The following ZFHX4 variants were observed in gnomAD, a reference collection of about 807,000 sequenced individuals.
The protein encoded by ZFHX4 is zinc finger homeobox 4, also known as zinc finger homeobox protein 4.
ZFHX4 carries 56 observed loss-of-function variants against 267.6 expected under a neutral mutation model. That is an observed-to-expected ratio of 0.21 (90% CI 0.17 to 0.26). ZFHX4 has a LOEUF of 0.26. Among genes scored for constraint, ZFHX4 ranks in the 10% least tolerant of loss-of-function variants. The pLI, the probability that ZFHX4 is intolerant of heterozygous loss-of-function variation, is 1.00. For synonymous variants in ZFHX4, 1,778 were observed against 1,665.6 expected (o/e 1.07, Z -1.64); for missense variants, 4,332 against 4,420.0 (o/e 0.98, Z 0.56).
In ZFHX4 at chr8:76,849,017, A is replaced by G; in HGVS notation, c.3534A>G (p.Glu1178=). 1.3e-6 allele frequency: 2 copies of G among 1,551,896 alleles called. No homozygotes were observed. Among genetic ancestry groups the G allele is most frequent in the South Asian group, 2.4e-5 (2 of 83,112 alleles). Residue 1178 remains glutamate, a synonymous_variant, in exon 7 of 11, where the codon GAA becomes GAG. Transcript: ENST00000651372. Reference sequence around the variant, plus strand: ...CAGGGATAATCACACCAGAGAAGGAACTAAAAGTTAGTGTGGCAGGGGGTA... The same window carrying G: ...CAGGGATAATCACACCAGAGAAGGAGCTAAAAGTTAGTGTGGCAGGGGGTA... ...KDSGIITPEK[E]LKVSVAGGTQ... is the part of the protein sequence containing the mutation.
chr8:76,690,756 C>G (rs1563461474), intron 1 of ZFHX4, among the ~76,000 whole-genome samples: 1 of 151,828 alleles, frequency 6.6e-6, no homozygotes. Flanking sequence ...CACACGTCTA[C>G]CCTCTTTCCA....
At chr8:76,813,428 G>A (rs1811427981) in intron 4 of ZFHX4, among the ~76,000 whole-genome samples, 1 of 152,062 alleles carries the variant, frequency 6.6e-6, no homozygotes, top group Admixed American at 6.6e-5. Context: ...GTATTTAGGT[G>A]ATAAAATTTG....
At chr8:76,835,677 A>T (rs1462539887) in intron 5 of ZFHX4, among the ~76,000 whole-genome samples, 1 of 152,152 alleles carries the variant, frequency 6.6e-6, no homozygotes, top group Non-Finnish European at 1.5e-5. Flanking sequence ...ATGAAATAGA[A>T]TAAACCTACT....
At chr8:76,707,047 A>G (rs549648064) in intron 2 of ZFHX4, among the ~76,000 whole-genome samples, 1 of 152,342 alleles carries the variant, frequency 6.6e-6, no homozygotes, top group African/African-American at 2.4e-5. Flanking sequence ...TTAAAAGGGT[A>G]TAGCATTATT....
intron 3 of ZFHX4, among the ~76,000 whole-genome samples, chr8:76,716,531 G>T (rs969688196): frequency 8.5e-5 from 13 of 152,116 alleles, no homozygotes; most frequent in Non-Finnish European, 1.9e-4. Flanking sequence ...CCTCTTTTCA[G>T]CTTATGCCCC....
At chr8:76,699,937 A>G (rs933695294) in intron 1 of ZFHX4, among the ~76,000 whole-genome samples, 4 of 151,864 alleles carry the variant, frequency 2.6e-5, no homozygotes, top group African/African-American at 9.7e-5. Context: ...GTATAATTAT[A>G]CTTGTGAAGG....
At position 76,849,207 on chromosome 8, in the gene ZFHX4, C is replaced by T. The variant is rs556816716; in HGVS notation, c.3645+79C>T. The T allele has an allele frequency of 2.2e-4, 320 of 1,436,576 alleles. 1 individual carries two copies. The highest frequency in any genetic ancestry group is 4.3e-4 in the Admixed American group (17 of 39,436). The allele number at this position is 1,436,576 out of a possible 1,614,324, so 89.0% of individuals were successfully genotyped here. ...GATAGTTTTAAAGCCCCAAATGATT[C>T]CATGCTGTTGAAATGTATGTAGACA... On this transcript the variant is annotated intron_variant, in intron 7 of 10. Transcript: ENST00000651372.
chr8:76,807,354 T>A (rs987543092), intron 4 of ZFHX4, among the ~76,000 whole-genome samples: 4 of 151,974 alleles, frequency 2.6e-5, no homozygotes, highest in African/African-American at 9.7e-5. Context: ...CCATAGTGGA[T>A]ATAATGAATG....
At chr8:76,715,217 G>T (rs75263951) in intron 3 of ZFHX4, among the ~76,000 whole-genome samples, 253 of 152,142 alleles carry the variant, frequency 1.7e-3, no homozygotes, top group Non-Finnish European at 2.4e-3. Context: ...TGCAGGCCAG[G>T]CGTGGTGGCT....
intron 4 of ZFHX4, among the ~76,000 whole-genome samples, chr8:76,815,618 C>T: frequency 6.6e-6 from 1 of 152,158 alleles, no homozygotes; most frequent in East Asian, 1.9e-4. Context: ...CCTCCTGCCT[C>T]AGCCTCTGGG....
intron 4 of ZFHX4, among the ~76,000 whole-genome samples, chr8:76,807,863 C>A (rs1028484923): frequency 6.6e-6 from 1 of 151,996 alleles, no homozygotes; most frequent in Non-Finnish European, 1.5e-5. Context: ...ATGTATAAAT[C>A]TTATCTATGC....
At chr8:76,777,368 T>A (rs1162933104) in intron 3 of ZFHX4, among the ~76,000 whole-genome samples, 1 of 151,928 alleles carries the variant, frequency 6.6e-6, no homozygotes, top group Non-Finnish European at 1.5e-5. Flanking sequence ...CGAAACAGAT[T>A]TTTTTTTAGC....
chr8:76,832,205 A>G (rs544972300), intron 4 of ZFHX4, among the ~76,000 whole-genome samples: 1 of 152,278 alleles, frequency 6.6e-6, no homozygotes, highest in Admixed American at 6.5e-5. Flanking sequence ...AGAAATAGTA[A>G]ATAAACATGA....
In ZFHX4 at chr8:76,854,217, A is replaced by C. The variant is rs370004516; in HGVS notation, c.7296A>C (p.Ala2432=). 6.4e-7 allele frequency: 1 copy of C among 1,567,474 alleles called. No homozygotes were observed. Among genetic ancestry groups the C allele is most frequent in the South Asian group, 1.2e-5 (1 of 86,406 alleles). The part of the protein sequence containing the change: ...SQGTKPALPL[A]STSSDPPQAS... ...GCACCAAACCAGCCCTGCCATTAGC[A>C]TCGACTTCCTCGGACCCACCACAGG... Residue 2432 remains alanine (A), a synonymous_variant, in exon 10 of 11, where the codon GCA becomes GCC. Coordinates refer to ENST00000651372, the MANE Select transcript of ZFHX4 (RefSeq NM_024721.5).
intron 5 of ZFHX4, 86 bp downstream of exon 5, chr8:76,833,492 C>T: frequency 9.6e-7 from 1 of 1,045,202 alleles, no homozygotes; most frequent in Non-Finnish European, 1.4e-6. Context: ...AATAAACATT[C>T]TCTGGAACTT....
intron 1 of ZFHX4, among the ~76,000 whole-genome samples, chr8:76,702,839 A>G (rs1808139311): frequency 6.6e-6 from 1 of 152,130 alleles, no homozygotes; most frequent in South Asian, 2.1e-4. Flanking sequence ...AATAAACACA[A>G]GTTTCAGACC....
At chr8:76,821,813 T>C (rs1019743134) in intron 4 of ZFHX4, among the ~76,000 whole-genome samples, 2 of 152,218 alleles carry the variant, frequency 1.3e-5, no homozygotes, top group Non-Finnish European at 2.9e-5. Context: ...TGCATCTGGT[T>C]GTAGACTGCT....
intron 3 of ZFHX4, among the ~76,000 whole-genome samples, chr8:76,757,907 C>A (rs905639764): frequency 6.6e-6 from 1 of 152,146 alleles, no homozygotes; most frequent in Non-Finnish European, 1.5e-5. Context: ...GATGGTGGAC[C>A]AGGGATGTCC....
Position 76,785,865 on chromosome 8 carries a change from A to G in ZFHX4, c.3325+7426A>G, listed in dbSNP as rs1472860761. ...CTTGAATGTTCTCTACTTTCTTTGT[A>G]TGGATCTTTTGCCAATAAACTGGTT... On this transcript the variant is annotated intron_variant, in intron 4 of 10. Transcript: ENST00000651372. Among the ~76,000 whole-genome samples the G allele has an allele frequency of 2.0e-5, 3 of 152,142 alleles. No homozygotes were observed. In the South Asian group the frequency reaches 6.2e-4, roughly 31 times the overall value.
Sources: allele counts gnomAD v4.1 joint callset (sites outside exome capture counted in the v4.1 genomes callset), GRCh38; gene constraint gnomAD v4.1.1; transcripts MANE v1.5; gene names NCBI Gene and HGNC (gene_info 2026-07-23, HGNC 2026-07-21).